Variants in ZNF385D observed in about 807,000 individuals in gnomAD.
ZNF385D encodes zinc finger protein 385D, also known as zinc finger protein 659.
A neutral mutation model predicts 35.8 loss-of-function variants in ZNF385D; 15 were observed. That is an observed-to-expected ratio of 0.42 (90% CI 0.28 to 0.64). The LOEUF (loss-of-function observed/expected upper bound fraction) is 0.64, where lower values mean the gene tolerates loss of function less well. Among genes scored for constraint, ZNF385D ranks in the 30% least tolerant of loss-of-function variants. The probability of loss-of-function intolerance (pLI) is 0.23; values close to 1 mark genes in which losing one functional copy is unlikely to be tolerated. For missense variants in ZNF385D, 474 were observed against 494.6 expected (o/e 0.96, Z 0.39); for synonymous variants, 212 against 186.8 (o/e 1.13, Z -1.10).
chr3:22,156,737 T>C (rs1705613178), intron 3 of ZNF385D, among the ~76,000 whole-genome samples: 2 of 152,068 alleles, frequency 1.3e-5, no homozygotes, highest in South Asian at 2.1e-4. Context: ...ACTTTCTCTA[T>C]TTCTAACTAA....
At chr3:21,526,227 A>C (rs984184434) in intron 3 of ZNF385D, among the ~76,000 whole-genome samples, 1 of 152,096 alleles carries the variant, frequency 6.6e-6, no homozygotes, top group Admixed American at 6.5e-5. Flanking sequence ...TTGATAAGGA[A>C]TTGTAGAGTG....
chr3:21,633,101 A>G (rs982113562), intron 2 of ZNF385D, among the ~76,000 whole-genome samples: 1 of 152,046 alleles, frequency 6.6e-6, no homozygotes, highest in Non-Finnish European at 1.5e-5. Flanking sequence ...AAAAATTATC[A>G]TTTTTTTAGC....
At chr3:21,484,703 G>C (rs770282439) in intron 4 of ZNF385D, among the ~76,000 whole-genome samples, 3 of 152,104 alleles carry the variant, frequency 2.0e-5, no homozygotes, top group Non-Finnish European at 4.4e-5. Flanking sequence ...ATTCTGAAGT[G>C]TCAGGGAGGA....
At chr3:21,754,978 AC>A (rs1401279323), upstream of ZNF385D, among the ~76,000 whole-genome samples, 1 of 152,216 alleles carries the variant, frequency 6.6e-6, no homozygotes, top group Non-Finnish European at 1.5e-5. Flanking sequence ...CAAAGTGTTC[AC>A]ACAAATTGAA....
chr3:21,610,963 A>G (rs1456883202), intron 2 of ZNF385D, among the ~76,000 whole-genome samples: 2 of 152,148 alleles, frequency 1.3e-5, no homozygotes, highest in Non-Finnish European at 2.9e-5. Flanking sequence ...CTGTTGAACT[A>G]GGACTCTTGT....
intron 3 of ZNF385D, among the ~76,000 whole-genome samples, chr3:22,089,502 C>A (rs1340020006): frequency 6.6e-6 from 1 of 152,166 alleles, no homozygotes; most frequent in Non-Finnish European, 1.5e-5. Context: ...ACACCTGGCT[C>A]CAGCAGTGTG....
rs1700564493 is a variant in ZNF385D, at chr3:21,416,566, C to T, written c.*4648G>A. On this transcript the variant is annotated 3_prime_UTR_variant, in exon 8 of 8. Transcript: ENST00000281523. ...ATCCATTTCACTTCCTGATAGTAGC[C>T]TCTCTAGCTACTGAAGCAAACCATA... is the stretch of plus-strand genomic sequence containing the variant. 6.6e-6 allele frequency: 1 copy of T among 152,018 alleles called. No homozygotes were observed. Among genetic ancestry groups the T allele is most frequent in the African/African-American group, 2.4e-5 (1 of 41,386 alleles). The allele number at this position is 152,018 out of a possible 1,614,324, so 9.4% of individuals were successfully genotyped here.
intron 2 of ZNF385D, among the ~76,000 whole-genome samples, chr3:21,612,857 CAT>C (rs746911680): frequency 9.2e-5 from 14 of 152,210 alleles, no homozygotes; most frequent in East Asian, 7.7e-4. Context: ...AATTAATTCA[CAT>C]GTCTATTAAA....
chr3:21,985,613 T>G (rs1694761024), intron 3 of ZNF385D, among the ~76,000 whole-genome samples: 1 of 142,418 alleles, frequency 7.0e-6, no homozygotes, highest in Admixed American at 6.9e-5. Context: ...ATCAAGGGTA[T>G]TGGTCTAAAA....
intron 2 of ZNF385D, among the ~76,000 whole-genome samples, chr3:22,285,856 A>T (rs926159547): frequency 9.2e-5 from 14 of 152,124 alleles, no homozygotes; most frequent in African/African-American, 3.4e-4. Context: ...TAGTATTAAC[A>T]TTACCATTTA....
chr3:22,175,015 T>A (rs1398788776), intron 2 of ZNF385D, among the ~76,000 whole-genome samples: 1 of 151,944 alleles, frequency 6.6e-6, no homozygotes, highest in Non-Finnish European at 1.5e-5. Context: ...ATAGAGTCTC[T>A]TATAAAGAGT....
intron 2 of ZNF385D, among the ~76,000 whole-genome samples, chr3:22,303,239 T>C (rs1443958728): frequency 6.6e-6 from 1 of 152,174 alleles, no homozygotes. Context: ...GAGTGGCTTA[T>C]ATGGTACTGT....
intron 1 of ZNF385D, among the ~76,000 whole-genome samples, chr3:21,688,092 C>T (rs1000404104): frequency 2.6e-5 from 4 of 151,866 alleles, no homozygotes; most frequent in Non-Finnish European, 5.9e-5. Flanking sequence ...CCATAACTCA[C>T]CTCTATTATT....
At position 21,977,776 on chromosome 3, in the gene ZNF385D, C is replaced by T. The variant is rs548018950; in HGVS notation, c.325+191041G>A. 5.8e-4 allele frequency among the ~76,000 whole-genome samples: 88 copies of T among 152,116 alleles called. 1 individual carries two copies. The highest frequency in any genetic ancestry group is 9.2e-4 in the Admixed American group (14 of 15,248). On this transcript the variant is annotated intron_variant, in intron 3 of 5. Transcript: ENST00000494108. ...GCTTGAGCCCAGCAATTGGAGGTTA[C>T]GGTGGGCCATGATCACACCACTGTA... is the stretch of plus-strand genomic sequence containing the variant.
At chr3:21,499,340 G>C (rs1706188107) in intron 4 of ZNF385D, among the ~76,000 whole-genome samples, 1 of 151,978 alleles carries the variant, frequency 6.6e-6, no homozygotes, top group South Asian at 2.1e-4. Context: ...AATGTGGATG[G>C]AGGCGGGGGC....
chr3:22,256,097 C>T (rs554711537), intron 2 of ZNF385D, among the ~76,000 whole-genome samples: 2 of 151,748 alleles, frequency 1.3e-5, no homozygotes, highest in African/African-American at 4.8e-5. Context: ...ATGCTTCCTG[C>T]CCTCCAATGT....
intron 1 of ZNF385D, among the ~76,000 whole-genome samples, chr3:21,696,682 A>G (rs2067481258): frequency 6.6e-6 from 1 of 152,244 alleles, no homozygotes. Flanking sequence ...ATCATTGTCC[A>G]TCAAGCTTCT....
intron 2 of ZNF385D, among the ~76,000 whole-genome samples, chr3:22,370,267 G>A (rs914174062): frequency 3.3e-5 from 5 of 152,096 alleles, no homozygotes; most frequent in Non-Finnish European, 5.9e-5. Context: ...ACACAAATAT[G>A]ATGTTAGCAC....
At chr3:21,669,858 A>G (rs2066509362) in intron 1 of ZNF385D, among the ~76,000 whole-genome samples, 1 of 152,146 alleles carries the variant, frequency 6.6e-6, no homozygotes, top group Admixed American at 6.6e-5. Context: ...AATGATCACA[A>G]TAAGAGGTTA....
Sources: gnomAD v4.1 joint callset for allele counts (sites outside exome capture counted in the v4.1 genomes callset) on GRCh38, gnomAD v4.1.1 for gene constraint, MANE v1.5 for transcripts, NCBI Gene and HGNC (gene_info 2026-07-23, HGNC 2026-07-21) for gene names.